Variants in NALF1 observed in about 807,000 individuals in gnomAD.
NALF1 encodes the protein family with sequence similarity 155 member A.
A neutral mutation model predicts 48.4 loss-of-function variants in NALF1; 3 were observed. The ratio of observed to expected loss-of-function variants is 0.06; its 90% CI spans 0.03 to 0.16. NALF1 has a LOEUF of 0.16. Among genes scored for constraint, NALF1 ranks in the 10% least tolerant of loss-of-function variants. The probability of loss-of-function intolerance (pLI) is 1.00; values close to 1 mark genes in which losing one functional copy is unlikely to be tolerated. For synonymous variants in NALF1, 262 were observed against 245.7 expected (o/e 1.07, Z -0.62); for missense variants, 526 against 571.5 (o/e 0.92, Z 0.81).
At position 107,219,417 on chromosome 13, in the gene NALF1, T is replaced by C. The variant is rs186365923; in HGVS notation, c.916-8662A>G. Among the ~76,000 whole-genome samples the C allele has an allele frequency of 1.3e-3, 203 of 152,158 alleles. 1 individual carries two copies. Among genetic ancestry groups the C allele is most frequent in the Admixed American group, 3.0e-3 (46 of 15,296 alleles). ...TCAATTTTGGGCTCCACATCTTGAG[T>C]GAGTTGAGAATGTTGAAAAGGGTTT... On this transcript the variant is annotated intron_variant, in intron 1 of 2. Coordinates refer to ENST00000375915, the MANE Select transcript of NALF1 (RefSeq NM_001080396.3).
intron 1 of NALF1, among the ~76,000 whole-genome samples, chr13:107,570,896 C>T (rs908155857): frequency 6.6e-6 from 1 of 151,938 alleles, no homozygotes; most frequent in Non-Finnish European, 1.5e-5. Flanking sequence ...GAATGAAAGG[C>T]TCCTTCCATT....
intron 1 of NALF1, among the ~76,000 whole-genome samples, chr13:107,622,831 G>C (rs990085480): frequency 6.6e-6 from 1 of 152,144 alleles, no homozygotes; most frequent in Non-Finnish European, 1.5e-5. Context: ...ATGGTAACTA[G>C]GCATAGCAGT....
At chr13:107,529,340 A>C (rs1171061074) in intron 1 of NALF1, among the ~76,000 whole-genome samples, 1 of 152,204 alleles carries the variant, frequency 6.6e-6, no homozygotes, top group African/African-American at 2.4e-5. Flanking sequence ...TCACCGATCC[A>C]GGCCTTCAGA....
chr13:107,245,495 C>A (rs997956346), intron 1 of NALF1, among the ~76,000 whole-genome samples: 4 of 152,154 alleles, frequency 2.6e-5, no homozygotes, highest in African/African-American at 9.7e-5. Flanking sequence ...CAAGTCAATT[C>A]ATTTTCAAAA....
In NALF1 at chr13:107,311,925, G is replaced by A. The variant is rs576585966; in HGVS notation, c.916-101170C>T. 2.1e-3 allele frequency among the ~76,000 whole-genome samples: 314 copies of A among 152,164 alleles called. 1 individual carries two copies. Among genetic ancestry groups the A allele is most frequent in the African/African-American group, 6.9e-3 (285 of 41,518 alleles). On this transcript the variant is annotated intron_variant, in intron 1 of 2. Coordinates refer to ENST00000375915, the MANE Select transcript of NALF1 (RefSeq NM_001080396.3). ...ATCATTAAAAAGTCAGGAAACAACA[G>A]GTGCTGGAGAGGATGTGGAGAAATA...
chr13:107,593,160 AAC>A (rs1377723896), intron 1 of NALF1, among the ~76,000 whole-genome samples: 1 of 151,868 alleles, frequency 6.6e-6, no homozygotes, highest in African/African-American at 2.4e-5. Flanking sequence ...ATTTCAAATA[AAC>A]ACTTTCAATA....
chr13:107,400,511 C>G (rs1327231782), intron 1 of NALF1, among the ~76,000 whole-genome samples: 1 of 151,738 alleles, frequency 6.6e-6, no homozygotes, highest in African/African-American at 2.4e-5. Context: ...GTCAGGAGAT[C>G]AAGACCATCC....
chr13:107,296,871 G>A (rs1214635512), intron 1 of NALF1, among the ~76,000 whole-genome samples: 1 of 152,046 alleles, frequency 6.6e-6, no homozygotes, highest in African/African-American at 2.4e-5. Flanking sequence ...GTAGGTAAGG[G>A]TGAATGTCAA....
chr13:107,720,861 G>A (rs1875962525), intron 1 of NALF1, among the ~76,000 whole-genome samples: 1 of 152,154 alleles, frequency 6.6e-6, no homozygotes, highest in Non-Finnish European at 1.5e-5. Context: ...TTACGCCAAA[G>A]GTTGCATATA....
chr13:107,172,746 T>C (rs552018768), intron 2 of NALF1, among the ~76,000 whole-genome samples: 100 of 152,296 alleles, frequency 6.6e-4, no homozygotes, highest in African/African-American at 2.1e-3. Context: ...AATAAGATTA[T>C]AAAAATAGAA....
chr13:107,287,573 C>T (rs963819661), intron 1 of NALF1, among the ~76,000 whole-genome samples: 6 of 152,038 alleles, frequency 3.9e-5, no homozygotes, highest in African/African-American at 1.4e-4. Context: ...TTTACCTATA[C>T]GGAATTCTGA....
chr13:107,540,763 G>C (rs1225017868), intron 1 of NALF1, among the ~76,000 whole-genome samples: 2 of 151,954 alleles, frequency 1.3e-5, no homozygotes, highest in African/African-American at 4.8e-5. Flanking sequence ...TTAAAGTCTG[G>C]GATACATATG....
intron 1 of NALF1, among the ~76,000 whole-genome samples, chr13:107,621,416 T>C (rs1879514623): frequency 6.6e-6 from 1 of 152,154 alleles, no homozygotes; most frequent in African/African-American, 2.4e-5. Context: ...GCAAAAAAAT[T>C]CTGTTTGATG....
At chr13:107,407,682 T>C (rs1319308162) in intron 1 of NALF1, among the ~76,000 whole-genome samples, 1 of 151,832 alleles carries the variant, frequency 6.6e-6, no homozygotes, top group African/African-American at 2.4e-5. Context: ...ACCTGGAGAA[T>C]AGTTTGGAAG....
intron 1 of NALF1, among the ~76,000 whole-genome samples, chr13:107,415,992 C>T (rs1363221655): frequency 6.6e-6 from 1 of 150,726 alleles, no homozygotes; most frequent in Non-Finnish European, 1.5e-5. Flanking sequence ...CTACAGACCA[C>T]TTATATGCAG....
intron 1 of NALF1, among the ~76,000 whole-genome samples, chr13:107,686,382 A>ATTT: frequency 1.5e-3 from 1 of 662 alleles, no homozygotes; most frequent in Non-Finnish European, 0.056. Flanking sequence ...TTATTTATTT[A>ATTT]TTATTATTAT....
intron 1 of NALF1, among the ~76,000 whole-genome samples, chr13:107,537,207 T>G (rs1349374651): frequency 6.6e-6 from 1 of 152,040 alleles, no homozygotes; most frequent in East Asian, 1.9e-4. Flanking sequence ...TGTGCACATG[T>G]ACCCTAGAAC....
At chr13:107,487,226 T>C (rs961829691) in intron 1 of NALF1, among the ~76,000 whole-genome samples, 3 of 152,142 alleles carry the variant, frequency 2.0e-5, no homozygotes, top group African/African-American at 7.2e-5. Context: ...AGATGGACAA[T>C]ATTAATATTT....
intron 1 of NALF1, among the ~76,000 whole-genome samples, chr13:107,610,427 A>T (rs1338230114): frequency 6.6e-6 from 1 of 152,058 alleles, no homozygotes; most frequent in East Asian, 2.0e-4. Context: ...TAATGAAAAG[A>T]TCTCTAAAAC....
Sources: gnomAD v4.1 joint callset for allele counts (sites outside exome capture counted in the v4.1 genomes callset) on GRCh38, gnomAD v4.1.1 for gene constraint, MANE v1.5 for transcripts, NCBI Gene and HGNC (gene_info 2026-07-23, HGNC 2026-07-21) for gene names.